CPNE4: variants seen among roughly 807,000 people sequenced by gnomAD.
CPNE4 encodes the protein copine 4.
A neutral mutation model predicts 67.9 loss-of-function variants in CPNE4; 25 were observed. That is an observed-to-expected ratio of 0.37 (90% CI 0.27 to 0.51). The LOEUF is 0.51. Ranked by LOEUF, CPNE4 falls within the 20% of genes least tolerant of loss-of-function variation. The pLI is 0.93. For synonymous variants in CPNE4, 242 were observed against 244.9 expected (o/e 0.99, Z 0.11); for missense variants, 464 against 690.8 (o/e 0.67, Z 3.68).
intron 1 of CPNE4, among the ~76,000 whole-genome samples, chr3:131,947,742 G>A (rs775569277): frequency 3.3e-5 from 5 of 152,128 alleles, no homozygotes; most frequent in Non-Finnish European, 4.4e-5. Flanking sequence ...AATCCTTTGG[G>A]TATATATCCA....
At chr3:131,610,691 A>C (rs1582887880) in intron 7 of CPNE4, among the ~76,000 whole-genome samples, 1 of 151,232 alleles carries the variant, frequency 6.6e-6, no homozygotes, top group Non-Finnish European at 1.5e-5. Flanking sequence ...CTAATTTTCC[A>C]CTCTCCTATC....
chr3:131,599,019 A>G (rs1448291510), intron 7 of CPNE4, among the ~76,000 whole-genome samples: 1 of 152,206 alleles, frequency 6.6e-6, no homozygotes, highest in African/African-American at 2.4e-5. Context: ...CCAGTCTTCT[A>G]ACTGTAGCTT....
intron 1 of CPNE4, among the ~76,000 whole-genome samples, chr3:131,929,595 C>CTG (rs1553807516): frequency 3.3e-5 from 5 of 151,812 alleles, no homozygotes; most frequent in Non-Finnish European, 7.4e-5. Context: ...CAAGGGAAAT[C>CTG]CCTCACAGAT....
chr3:131,836,581 C>T (rs907114176), intron 2 of CPNE4, among the ~76,000 whole-genome samples: 2 of 152,112 alleles, frequency 1.3e-5, no homozygotes, highest in African/African-American at 4.8e-5. Context: ...CACTTCTTTT[C>T]AAGATAGCAC....
chr3:131,883,305 C>T (rs2087753434), intron 2 of CPNE4, among the ~76,000 whole-genome samples: 1 of 152,162 alleles, frequency 6.6e-6, no homozygotes, highest in African/African-American at 2.4e-5. Context: ...TTGCTCATCC[C>T]TCTGGAATGA....
chr3:131,737,238 C>G (rs986067239), intron 2 of CPNE4, among the ~76,000 whole-genome samples: 5 of 150,250 alleles, frequency 3.3e-5, no homozygotes, highest in African/African-American at 1.2e-4. Flanking sequence ...ATTCTCCTGC[C>G]TCAGCCTCCT....
chr3:131,827,591 A>T (rs2085212342), intron 2 of CPNE4, among the ~76,000 whole-genome samples: 1 of 152,098 alleles, frequency 6.6e-6, no homozygotes, highest in Non-Finnish European at 1.5e-5. Flanking sequence ...AATCAAATTC[A>T]CTAGAGAATT....
chr3:131,944,088 C>G (rs991834687), intron 1 of CPNE4, among the ~76,000 whole-genome samples: 1 of 152,084 alleles, frequency 6.6e-6, no homozygotes, highest in African/African-American at 2.4e-5. Context: ...TTCCAAATCT[C>G]CAGCACCTAG....
rs769807325 is a variant in CPNE4, at chr3:131,564,306, CTGTT to C, written c.967_970del (p.Asn323AlafsTer16). The C allele has an allele frequency of 6.2e-7, 1 of 1,612,864 alleles. No individual in the cohort carries two copies. Among genetic ancestry groups the C allele is most frequent in the South Asian group, 1.1e-5 (1 of 91,024 alleles). On this transcript the variant is annotated frameshift_variant, in exon 11 of 16. Coordinates refer to ENST00000429747, the MANE Select transcript of CPNE4 (RefSeq NM_130808.3). LOFTEE classifies it high-confidence loss of function. ...AGGGTGGATGTAGTGCAAGGAACAG[CTGTT>C]CCTGGGGTCCCCGTTTGAGGCAGTG...
Position 132,034,697 on chromosome 3 carries a change from C to A in CPNE4, c.-132G>T. On this transcript the variant is annotated 5_prime_UTR_variant, in exon 1 of 16. Transcript: ENST00000429747. ...GGTAGTTTTGTACTGATGTAAGGGG[C>A]GTCGCACCTCCTTCCCCTCTCGTCC... 1.0e-6 allele frequency: 1 copy of A among 985,200 alleles called. No individual in the cohort carries two copies. The highest frequency in any genetic ancestry group is 1.2e-6 in the Non-Finnish European group (1 of 830,010). The allele number at this position is 985,200 out of a possible 1,614,324, so 61.0% of individuals were successfully genotyped here.
At chr3:131,538,285 T>A (rs1004244327) in intron 15 of CPNE4, among the ~76,000 whole-genome samples, 2 of 152,238 alleles carry the variant, frequency 1.3e-5, no homozygotes, top group Non-Finnish European at 2.9e-5. Flanking sequence ...GGAACTGAGT[T>A]TGAAATTTTA....
chr3:131,886,279 C>A (rs1378062059), intron 2 of CPNE4, among the ~76,000 whole-genome samples: 1 of 152,234 alleles, frequency 6.6e-6, no homozygotes, highest in Non-Finnish European at 1.5e-5. Context: ...AAGCCCCAAG[C>A]CTTGGCAGCT....
In CPNE4 at chr3:131,554,528, T is replaced by C. The variant is rs1346956453; in HGVS notation, c.1116+969A>G. Among the ~76,000 whole-genome samples, 6 of 152,180 alleles carry C rather than the reference T, an allele frequency of 3.9e-5. No individual in the cohort carries two copies. The East Asian group carries it at 7.8e-4, about 20-fold the overall frequency. ...GCCCAGCAGAAAGGCCAGTGTGGAA[T>C]ACAAGGCAAGAAAGAAGGAGAACAG... On this transcript the variant is annotated intron_variant, in intron 12 of 15. Coordinates refer to ENST00000429747, the MANE Select transcript of CPNE4 (RefSeq NM_130808.3).
intron 14 of CPNE4, 143 bp downstream of exon 14, chr3:131,549,804 G>T (rs1936072318): frequency 1.1e-6 from 1 of 883,358 alleles, no homozygotes; most frequent in Non-Finnish European, 1.8e-6. Context: ...CAAGACTGAG[G>T]ATAGGAGGAG....
At chr3:131,634,894 A>G (rs2079335600) in intron 7 of CPNE4, among the ~76,000 whole-genome samples, 1 of 152,176 alleles carries the variant, frequency 6.6e-6, no homozygotes, top group Non-Finnish European at 1.5e-5. Context: ...AACACTTAAA[A>G]ACATCTGAAA....
intron 1 of CPNE4, among the ~76,000 whole-genome samples, chr3:131,952,555 A>G (rs868584702): frequency 0.032 from 2,696 of 83,826 alleles, 107 homozygotes; most frequent in African/African-American, 0.082. Flanking sequence ...CAGCCACCCC[A>G]TCCGGGAGGG....
rs1266761396 is a variant in CPNE4 at position 131,876,567 on chromosome 3, G to A, written c.180+28697C>T. On this transcript the variant is annotated intron_variant, in intron 2 of 15. Transcript: ENST00000429747. ...TGAGGCAGGAGAATGGCGTGAACCC[G>A]GGAGGCGGAGCTTGCAGTGAGCCAA... 1.5e-3 allele frequency among the ~76,000 whole-genome samples: 221 copies of A among 148,866 alleles called. 1 individual carries two copies. Among genetic ancestry groups the A allele is most frequent in the African/African-American group, 5.4e-3 (215 of 40,024 alleles).
chr3:131,609,029 T>C (rs1939667780), intron 7 of CPNE4, among the ~76,000 whole-genome samples: 1 of 152,184 alleles, frequency 6.6e-6, no homozygotes, highest in African/African-American at 2.4e-5. Context: ...TATCAGCCCA[T>C]ATGTTCCTTC....
At chr3:131,912,374 TA>T in intron 1 of CPNE4, among the ~76,000 whole-genome samples, 1 of 152,062 alleles carries the variant, frequency 6.6e-6, no homozygotes, top group East Asian at 1.9e-4. Flanking sequence ...GAGCTTGTCT[TA>T]AGACTGTGTC....
Sources: gnomAD v4.1 joint callset for allele counts (sites outside exome capture counted in the v4.1 genomes callset) on GRCh38, gnomAD v4.1.1 for gene constraint, MANE v1.5 for transcripts, NCBI Gene and HGNC (gene_info 2026-07-23, HGNC 2026-07-21) for gene names.